SZT2: variants seen among roughly 807,000 people sequenced by gnomAD.
SZT2 encodes KICSTOR complex protein SZT2.
SZT2 carries 216 observed loss-of-function variants against 404.2 expected under a neutral mutation model. That is an observed-to-expected ratio of 0.53 (90% confidence interval 0.48 to 0.60). The LOEUF (loss-of-function observed/expected upper bound fraction) is 0.60. Ranked by LOEUF, SZT2 falls within the 20% of genes least tolerant of loss-of-function variation. SZT2 has a pLI of 0.00. For missense variants in SZT2, 3,857 were observed against 4,459.2 expected, an observed-to-expected ratio of 0.86 and a Z score of 3.85; for synonymous variants, 1,693 against 1,749.9, an observed-to-expected ratio of 0.97 and a Z score of 0.81.
intron 4 of SZT2, among the ~76,000 whole-genome samples, chr1:43,413,823 G>A (rs1484571002): frequency 1.3e-5 from 2 of 152,140 alleles, no homozygotes; most frequent in Non-Finnish European, 2.9e-5. Flanking sequence ...TGGGGGAGGT[G>A]GAAGGGGAGA....
Position 43,439,437 on chromosome 1 carries a change from G to A in SZT2, c.6872G>A (p.Gly2291Asp), listed in dbSNP as rs746622333. 4 of 1,611,162 alleles carry A rather than the reference G, an allele frequency of 2.5e-6. No individual in the cohort carries two copies. Among genetic ancestry groups the A allele is most frequent in the Non-Finnish European group, 3.4e-6 (4 of 1,178,462 alleles). ...YNKPGGQGTGGKGVACITLAF... is the reference protein window; with the variant it reads ...YNKPGGQGTGDKGVACITLAF... The stretch of plus-strand genomic sequence containing the variant: ...AAGCCTGGTGGACAGGGCACTGGGG[G>A]CAAAGGTACGGTGCAGGGCACGGGC... The change falls in exon 49 of 72, where the codon GGC (glycine) becomes GAC (aspartate). Residue 2291 changes from glycine to aspartate, a missense_variant. Gly to Asp is a moderately conservative substitution (Grantham distance 94). This residue lies in a region of SZT2 where 261 missense variants were observed against 372.9 expected (regional missense o/e 0.70). Transcript: ENST00000634258. The surrounding 1 kb of genome is among the most constrained non-coding windows in gnomAD (Gnocchi z 4.2).
intron 61 of SZT2, 22 bp downstream of exon 61, chr1:43,443,499 C>A: frequency 6.2e-7 from 1 of 1,614,020 alleles, no homozygotes; most frequent in Non-Finnish European, 8.5e-7. Flanking sequence ...TCCCAGACTT[C>A]TAGCAGACCT....
rs1427928352 is a variant in SZT2 at position 43,442,762 on chromosome 1, G to A, written c.8152-57G>A. 1.9e-6 allele frequency: 3 copies of A among 1,542,622 alleles called. No individual in the cohort carries two copies. The African/African-American group carries it at 4.1e-5, about 21-fold the overall frequency. On this transcript the variant is annotated intron_variant, in intron 58 of 71. Transcript: ENST00000634258. The surrounding 1 kb of genome is among the most constrained non-coding windows in gnomAD (Gnocchi z 4.5). ...AGTCTGAGAGAGGAAGCCCTGGGAT[G>A]AGAGAGAGGGTCCGAGGGCAAAGGC...
rs774483969 is a variant in SZT2, at chr1:43,424,859, T to A, written c.2547T>A (p.Ile849=). ...GIINMVLELP[I]QNEPPGQAAA... Reference sequence around the variant, plus strand: ...TCAACATGGTTCTGGAGCTTCCAATTCAGGTACGTGCCATCCCCCATGACA... The same window carrying A: ...TCAACATGGTTCTGGAGCTTCCAATACAGGTACGTGCCATCCCCCATGACA... The change falls in exon 17 of 72, where the codon ATT becomes ATA. Residue 849 remains isoleucine (I), a synonymous_variant. Transcript: ENST00000634258. This position sits in a 1 kb window ranked among gnomAD's most constrained non-coding sequence, Gnocchi z 4.1. The A allele has an allele frequency of 1.2e-5, 20 of 1,613,830 alleles. No individual in the cohort carries two copies. The Admixed American group carries it at 3.3e-4, about 27-fold the overall frequency.
At position 43,453,383 on chromosome 1, in the gene SZT2, T is replaced by C. The variant is rs369028134; in HGVS notation, c.*2903T>C. The C allele has an allele frequency of 9.8e-6, 15 of 1,537,670 alleles. No individual in the cohort carries two copies. Among genetic ancestry groups the C allele is most frequent in the Non-Finnish European group, 1.3e-5 (15 of 1,135,756 alleles). ...GGGGTGGGGGTGGGGTGGAGCGGGGTACCTGGGACAGCCCAGGGCTTTGGC... is the reference window on the plus strand; with the variant it reads ...GGGGTGGGGGTGGGGTGGAGCGGGGCACCTGGGACAGCCCAGGGCTTTGGC... On this transcript the variant is annotated 3_prime_UTR_variant, in exon 72 of 72. Coordinates refer to ENST00000634258, the MANE Select transcript of SZT2 (RefSeq NM_001365999.1).
Position 43,425,726 on chromosome 1 carries a change from C to T in SZT2, c.2814+84C>T. 3 of 1,596,274 alleles carry T rather than the reference C, an allele frequency of 1.9e-6. No homozygotes were observed. Among genetic ancestry groups the T allele is most frequent in the Non-Finnish European group, 2.6e-6 (3 of 1,168,592 alleles). On this transcript the variant is annotated intron_variant, in intron 19 of 71. Coordinates refer to ENST00000634258, the MANE Select transcript of SZT2 (RefSeq NM_001365999.1). This position sits in a 1 kb window ranked among gnomAD's most constrained non-coding sequence, Gnocchi z 4.3. ...TTGGAGTACTGCAGTCTGTGGGCTT[C>T]CTGGTCCCTCTGAATGGCTGGGACT...
chr1:43,423,422 C>T (rs1208343834), intron 15 of SZT2, 106 bp downstream of exon 15: 6 of 1,115,724 alleles, frequency 5.4e-6, no homozygotes, highest in Middle Eastern at 3.1e-4. Flanking sequence ...GTGTGGAGTG[C>T]GTGGCTTAGT....
rs1465256509 is a variant in SZT2, at chr1:43,452,473, A to G, written c.*1993A>G. ...CCCAGGTATCCCAGCACTTTCAGAG[A>G]CACTTCAGTGATGGCTGAGGGGCAA... On this transcript the variant is annotated 3_prime_UTR_variant, in exon 72 of 72. Coordinates refer to ENST00000634258, the MANE Select transcript of SZT2 (RefSeq NM_001365999.1). 2 of 718,104 alleles carry G rather than the reference A, an allele frequency of 2.8e-6. No homozygotes were observed. The highest frequency in any genetic ancestry group is 5.1e-6 in the Non-Finnish European group (2 of 389,720). 44.5% of individuals were successfully genotyped at this position (718,104 alleles called of 1,614,324 possible).
rs878855007 is a variant in SZT2 at position 43,424,317 on chromosome 1, C to A, written c.2356C>A (p.Leu786Met). 1 of 1,597,992 alleles carries A rather than the reference C, an allele frequency of 6.3e-7. No homozygotes were observed. The highest frequency in any genetic ancestry group is 1.7e-5 in the Admixed American group (1 of 59,976). ...LVSGRSASSS[L>M]ASLSRYLYHQ... ...GTCAGGCCGCTCAGCCTCTTCTAGC[C>A]TGGCGTCACTGTCCCGCTACCTCTA... The change falls in exon 16 of 72, where the codon CTG becomes ATG. Residue 786 changes from leucine (L) to methionine (M), a missense_variant. Coordinates refer to ENST00000634258, the MANE Select transcript of SZT2 (RefSeq NM_001365999.1). The surrounding 1 kb of genome is among the most constrained non-coding windows in gnomAD (Gnocchi z 4.1).
At chr1:43,433,259 C>T in intron 40 of SZT2, 69 bp downstream of exon 40, 13 of 1,525,062 alleles carry the variant, frequency 8.5e-6, no homozygotes, top group Non-Finnish European at 1.1e-5. Flanking sequence ...CACAGTACCT[C>T]TCTCCAGTGT....
chr1:43,413,047 C>T (rs569429114), intron 4 of SZT2, among the ~76,000 whole-genome samples: 22 of 152,240 alleles, frequency 1.4e-4, no homozygotes, highest in Admixed American at 2.6e-4. Flanking sequence ...TAACGTTGTG[C>T]ACTCTTGGTA....
intron 30 of SZT2, 70 bp downstream of exon 30, chr1:43,430,173 T>C: frequency 1.3e-6 from 2 of 1,587,184 alleles, no homozygotes; most frequent in Non-Finnish European, 1.7e-6. Flanking sequence ...TCTTGAGTCT[T>C]GGTTCCCTGA....
Position 43,424,378 on chromosome 1 carries a change from T to C in SZT2, c.2417T>C (p.Leu806Pro). Residue 806 changes from leucine (L) to proline (P), a missense_variant, in exon 16 of 72, where the codon CTG becomes CCG. Physicochemically the swap from Leu to Pro is moderately conservative, Grantham distance 98. This residue lies in a region of SZT2 where 1,725 missense variants were observed against 1,881.0 expected (regional missense o/e 0.92). Transcript: ENST00000634258. This position sits in a 1 kb window ranked among gnomAD's most constrained non-coding sequence, Gnocchi z 4.1. The stretch of plus-strand genomic sequence containing the variant: ...TGGCTTTGGAGTGTCCCGTCAGGAC[T>C]GGCCCCTGCGCTGCCTCTCAGTGCC... ...QRWLWSVPSG[L>P]APALPLSAIA... 6.3e-7 allele frequency: 1 copy of C among 1,598,102 alleles called. No homozygotes were observed.
At chr1:43,434,595 A>C in intron 41 of SZT2, 110 bp downstream of exon 41, 1 of 1,020,178 alleles carries the variant, frequency 9.8e-7, no homozygotes, top group Admixed American at 2.5e-5. Flanking sequence ...ATAATTATGG[A>C]AAGTTTTTGA....
chr1:43,408,336 T>G (rs1250630462), intron 4 of SZT2, among the ~76,000 whole-genome samples: 3 of 152,156 alleles, frequency 2.0e-5, no homozygotes, highest in African/African-American at 7.2e-5. Flanking sequence ...TGATCATAGC[T>G]CAATGTAACC....
At position 43,439,336 on chromosome 1, in the gene SZT2, T is replaced by C. The variant is rs1323151186; in HGVS notation, c.6793-22T>C. 6.8e-6 allele frequency: 11 copies of C among 1,613,536 alleles called. 1 individual carries two copies. In the South Asian group the frequency reaches 1.2e-4, roughly 18 times the overall value. On this transcript the variant is annotated intron_variant, in intron 48 of 71. Transcript: ENST00000634258. The surrounding 1 kb of genome is among the most constrained non-coding windows in gnomAD (Gnocchi z 4.2). ...TTGTCCATTTGCTTGCTCTTAGTGCTCTGTGGCTGTTCTTTCCCCAGCATC... is the reference window on the plus strand; with the variant it reads ...TTGTCCATTTGCTTGCTCTTAGTGCCCTGTGGCTGTTCTTTCCCCAGCATC...
At chr1:43,447,507 G>A (rs777221034) in intron 66 of SZT2, 38 bp from the exon 67 acceptor site, 22 of 1,606,328 alleles carry the variant, frequency 1.4e-5, no homozygotes, top group Non-Finnish European at 4.3e-6. Context: ...GTCTGTCCTA[G>A]GCTTAGTGTC....
Position 43,452,235 on chromosome 1 carries a change from G to A in SZT2, c.*1755G>A, listed in dbSNP as rs1244638795. ...CCAAAACCCCAGCTGCATGCCTCAG[G>A]TTCTCCAGAAAAACGGCCTCCATCT... On this transcript the variant is annotated 3_prime_UTR_variant, in exon 72 of 72. Transcript: ENST00000634258. The A allele has an allele frequency of 1.9e-6, 3 of 1,613,832 alleles. No homozygotes were observed. Among genetic ancestry groups the A allele is most frequent in the Non-Finnish European group, 2.5e-6 (3 of 1,179,886 alleles).
Position 43,403,115 on chromosome 1 carries a change from CTG to C in SZT2, c.28-56_28-55del, listed in dbSNP as rs1313398413. 4 of 1,571,206 alleles carry C rather than the reference CTG, an allele frequency of 2.5e-6. No homozygotes were observed. In the East Asian group the frequency reaches 9.0e-5, roughly 35 times the overall value. ...TTGGGCAAATTATTTGGACAGTGAT[CTG>C]TGTGTTCCAGGTACTCGGTGCCATT... On this transcript the variant is annotated intron_variant, in intron 1 of 71. Transcript: ENST00000634258.
Sources: allele counts gnomAD v4.1 joint callset (sites outside exome capture counted in the v4.1 genomes callset), GRCh38; gene constraint gnomAD v4.1.1; regional missense constraint gnomAD v4.1.1; non-coding constraint Gnocchi (gnomAD v3.1); transcripts MANE v1.5; gene names NCBI Gene and HGNC (gene_info 2026-07-23, HGNC 2026-07-21).